Variants in ZFHX3 observed in about 807,000 individuals in gnomAD.
ZFHX3 encodes the protein zinc finger homeobox protein 3.
ZFHX3 carries 42 observed loss-of-function variants against 279.1 expected under a neutral mutation model. That is an observed-to-expected ratio of 0.15 (90% CI 0.12 to 0.19). ZFHX3 has a LOEUF of 0.19. Among genes scored for constraint, ZFHX3 ranks in the 10% least tolerant of loss-of-function variants. The pLI is 1.00. For synonymous variants in ZFHX3, 2,293 were observed against 1,957.8 expected (o/e 1.17, Z -4.52); for missense variants, 4,981 against 4,754.0 (o/e 1.05, Z -1.40).
intron 2 of ZFHX3, among the ~76,000 whole-genome samples, chr16:73,485,419 AG>A: frequency 1.0e-5 from 1 of 97,602 alleles, no homozygotes; most frequent in South Asian, 3.2e-4. Flanking sequence ...TTTGAGGGTG[AG>A]GGAGAAAAAA....
At chr16:73,521,381 T>C (rs943604286) in intron 2 of ZFHX3, among the ~76,000 whole-genome samples, 3 of 152,210 alleles carry the variant, frequency 2.0e-5, no homozygotes, top group Non-Finnish European at 4.4e-5. Flanking sequence ...ATAATAATAA[T>C]GATAGTAATG....
At chr16:73,268,507 C>T (rs2014046843) in intron 4 of ZFHX3, among the ~76,000 whole-genome samples, 1 of 152,198 alleles carries the variant, frequency 6.6e-6, no homozygotes, top group Non-Finnish European at 1.5e-5. Flanking sequence ...GGGCATGGCT[C>T]TGAATGGCTC....
At chr16:73,276,173 CTTTCTTTTTT>C (rs1359877941) in intron 4 of ZFHX3, among the ~76,000 whole-genome samples, 2 of 140,768 alleles carry the variant, frequency 1.4e-5, no homozygotes, top group Non-Finnish European at 3.0e-5. Context: ...CTTCCTTTTT[CTTTCTTTTTT>C]TTTTTTTTTT....
chr16:73,321,523 C>T (rs2015574331), intron 3 of ZFHX3, among the ~76,000 whole-genome samples: 2 of 152,218 alleles, frequency 1.3e-5, no homozygotes, highest in South Asian at 2.1e-4. Flanking sequence ...AGCATTGTTT[C>T]CATTGCAACT....
chr16:72,832,746 G>A (rs1014056467), intron 4 of ZFHX3, among the ~76,000 whole-genome samples: 7 of 145,560 alleles, frequency 4.8e-5, no homozygotes, highest in South Asian at 2.1e-4. Flanking sequence ...GTCGCCCTCC[G>A]CATGGCGAGG....
At chr16:73,150,344 G>A (rs1348273783) in intron 5 of ZFHX3, among the ~76,000 whole-genome samples, 1 of 152,138 alleles carries the variant, frequency 6.6e-6, no homozygotes, top group East Asian at 1.9e-4. Context: ...GAAGTAAGAT[G>A]GCCCTGGGTT....
intron 4 of ZFHX3, among the ~76,000 whole-genome samples, chr16:72,881,375 G>A (rs560159138): frequency 2.2e-5 from 3 of 135,404 alleles, no homozygotes; most frequent in East Asian, 4.2e-4. Flanking sequence ...TCCACTGCTC[G>A]TCAATGTTTG....
At position 72,788,473 on chromosome 16, in the gene ZFHX3, G is replaced by A; in HGVS notation, c.9803C>T (p.Thr3268Ile). Residue 3268 changes from threonine (T) to isoleucine (I), a missense_variant, in exon 10 of 10, where the codon ACT becomes ATT. By Grantham distance (89) the Thr-to-Ile change is moderately conservative (BLOSUM62 -1). Around this residue, in one of 7 missense-constraint regions of ZFHX3, gnomAD observed 1,034 missense variants for 786.0 expected, o/e 1.32. Transcript: ENST00000268489. ...KKEKGEAPTA[T>I]AATISAPLPT... ...CAGCGGGGCTGAGATCGTGGCTGCAGTTGCCGTGGGGGCCTCTCCTTTCTC... is the reference window on the plus strand; with the variant it reads ...CAGCGGGGCTGAGATCGTGGCTGCAATTGCCGTGGGGGCCTCTCCTTTCTC... 3.7e-6 allele frequency: 6 copies of A among 1,614,230 alleles called. No individual in the cohort carries two copies. The highest frequency in any genetic ancestry group is 5.1e-6 in the Non-Finnish European group (6 of 1,180,036).
intron 2 of ZFHX3, among the ~76,000 whole-genome samples, chr16:73,646,862 A>G (rs1008921505): frequency 1.3e-5 from 2 of 152,222 alleles, no homozygotes; most frequent in African/African-American, 2.4e-5. Context: ...AGCCAGTTTT[A>G]TAAGTGAGCT....
intron 7 of ZFHX3, chr16:73,130,942 G>C (rs1354295036): frequency 7.7e-7 from 1 of 1,301,208 alleles, no homozygotes; most frequent in Non-Finnish European, 1.0e-6. Context: ...AATGGCTAGG[G>C]GCACTATAAG....
At chr16:73,168,274 T>TCTTTCTTC in intron 5 of ZFHX3, among the ~76,000 whole-genome samples, 1 of 150,250 alleles carries the variant, frequency 6.7e-6, no homozygotes, top group South Asian at 2.1e-4. Flanking sequence ...TTTCTTTCTT[T>TCTTTCTTC]CTTTCGAGAC....
At chr16:73,390,759 G>A (rs1327691000) in intron 3 of ZFHX3, among the ~76,000 whole-genome samples, 4 of 151,946 alleles carry the variant, frequency 2.6e-5, no homozygotes, top group Non-Finnish European at 5.9e-5. Flanking sequence ...TCAATGAAAG[G>A]AGATCTTTCT....
At chr16:73,458,372 C>G (rs71388971) in intron 2 of ZFHX3, among the ~76,000 whole-genome samples, 1 of 135,256 alleles carries the variant, frequency 7.4e-6, no homozygotes, top group African/African-American at 2.7e-5. Flanking sequence ...CTCCCTCCTT[C>G]CTCCCTCCCT....
At chr16:73,158,213 T>C (rs1967142461) in intron 5 of ZFHX3, among the ~76,000 whole-genome samples, 1 of 152,158 alleles carries the variant, frequency 6.6e-6, no homozygotes, top group Non-Finnish European at 1.5e-5. Flanking sequence ...GAAACCTGGG[T>C]TCCTGGACAC....
intron 7 of ZFHX3, among the ~76,000 whole-genome samples, 187 bp downstream of exon 7, chr16:72,811,390 T>G (rs898662840): frequency 7.9e-5 from 12 of 152,166 alleles, no homozygotes; most frequent in Non-Finnish European, 1.5e-4. Context: ...GTTCAGCACT[T>G]TGGGCTATGG....
chr16:73,426,429 T>C (rs1399973606), intron 3 of ZFHX3, among the ~76,000 whole-genome samples: 2 of 152,182 alleles, frequency 1.3e-5, no homozygotes, highest in Non-Finnish European at 2.9e-5. Flanking sequence ...AGGGTGGCTA[T>C]CCTGTTTGGC....
rs1966486577 is a variant in ZFHX3 at position 73,120,660 on chromosome 16, T to TTTTTTTTTTTTTTTTTTTTA, written c.-897+10307_-897+10308insTAAAAAAAAAAAAAAAAAAA. ...CCCTATCCTCTCTACCTTTTTTTTT[T>TTTTTTTTTTTTTTTTTTTTA]TTTTTTTTTTTTGAGACAGAATCTC... On this transcript the variant is annotated intron_variant, in intron 7 of 17. Coordinates refer to the ZFHX3 transcript ENST00000641206. 1.4e-5 allele frequency among the ~76,000 whole-genome samples: 2 copies of TTTTTTTTTTTTTTTTTTTTA among 141,618 alleles called. 1 individual carries two copies. Among genetic ancestry groups the TTTTTTTTTTTTTTTTTTTTA allele is most frequent in the Non-Finnish European group, 3.1e-5 (2 of 64,636 alleles). The allele number at this position is 141,618 out of a possible 152,430, so 92.9% of individuals were successfully genotyped here.
intron 3 of ZFHX3, among the ~76,000 whole-genome samples, chr16:73,357,649 C>G (rs1413324230): frequency 6.6e-6 from 1 of 152,152 alleles, no homozygotes; most frequent in Non-Finnish European, 1.5e-5. Flanking sequence ...GACAGGTTCC[C>G]CTTGGACCAG....
At chr16:73,604,042 T>G (rs1040908143) in intron 2 of ZFHX3, among the ~76,000 whole-genome samples, 4 of 152,060 alleles carry the variant, frequency 2.6e-5, no homozygotes, top group Admixed American at 6.5e-5. Context: ...CCTCCCACAG[T>G]GCTGATTACA....
Sources: gnomAD v4.1 joint callset for allele counts (sites outside exome capture counted in the v4.1 genomes callset) on GRCh38, gnomAD v4.1.1 for gene constraint, gnomAD v4.1.1 regional missense constraint, MANE v1.5 for transcripts, NCBI Gene and HGNC (gene_info 2026-07-23, HGNC 2026-07-21) for gene names.